Variants in AP3B1 observed in about 807,000 individuals in gnomAD.
AP3B1 encodes the protein adaptor related protein complex 3 subunit beta 1.
AP3B1 carries 61 observed loss-of-function variants against 132.5 expected under a neutral mutation model. That is an observed-to-expected ratio of 0.46 (90% CI 0.37 to 0.57). The LOEUF (loss-of-function observed/expected upper bound fraction) is 0.57. Among genes scored for constraint, AP3B1 ranks in the 20% least tolerant of loss-of-function variants. The pLI is 0.00. For synonymous variants in AP3B1, 388 were observed against 438.3 expected, an observed-to-expected ratio of 0.89 and a Z score of 1.43; for missense variants, 1,120 against 1,289.4, an observed-to-expected ratio of 0.87 and a Z score of 2.01.
chr5:78,099,742 AC>A (rs1241186270), intron 21 of AP3B1, among the ~76,000 whole-genome samples: 1 of 152,046 alleles, frequency 6.6e-6, no homozygotes, highest in African/African-American at 2.4e-5. Context: ...AAAAAAAAAT[AC>A]AAAAAATTAG....
chr5:78,259,383 G>A (rs568957985), intron 2 of AP3B1, among the ~76,000 whole-genome samples: 1 of 152,310 alleles, frequency 6.6e-6, no homozygotes, highest in African/African-American at 2.4e-5. Flanking sequence ...AGGGAAGTGG[G>A]GGATACAGGG....
At chr5:78,181,375 T>C (rs1744360558) in intron 8 of AP3B1, 132 bp downstream of exon 8, 1 of 823,526 alleles carries the variant, frequency 1.2e-6, no homozygotes, top group African/African-American at 1.7e-5. Context: ...CAACTATCCA[T>C]TACATGTCAT....
chr5:78,037,458 A>T (rs1747855998), intron 23 of AP3B1, among the ~76,000 whole-genome samples: 1 of 152,238 alleles, frequency 6.6e-6, no homozygotes. Flanking sequence ...TTAAAAATTA[A>T]GTGGATTTTG....
chr5:78,204,918 T>A (rs978301678), intron 7 of AP3B1, among the ~76,000 whole-genome samples: 1 of 152,170 alleles, frequency 6.6e-6, no homozygotes, highest in African/African-American at 2.4e-5. Context: ...AAAAAGCTGA[T>A]TGGACTGTTT....
chr5:78,015,238 C>T (rs756808594), intron 26 of AP3B1, among the ~76,000 whole-genome samples, 172 bp downstream of exon 26: 1 of 151,888 alleles, frequency 6.6e-6, no homozygotes, highest in African/African-American at 2.4e-5. Flanking sequence ...ATGGGAAAGA[C>T]AGCCTTAATG....
intron 17 of AP3B1, among the ~76,000 whole-genome samples, chr5:78,123,540 T>C (rs944222215): frequency 3.3e-5 from 5 of 152,152 alleles, no homozygotes; most frequent in African/African-American, 7.2e-5. Flanking sequence ...GGGCGAAGGA[T>C]GTGAACAGAC....
At chr5:78,044,393 T>C (rs1748231715) in intron 22 of AP3B1, among the ~76,000 whole-genome samples, 1 of 152,250 alleles carries the variant, frequency 6.6e-6, no homozygotes, top group Non-Finnish European at 1.5e-5. Flanking sequence ...ATGATAAGCA[T>C]ATTAGAGACA....
At chr5:78,177,721 C>T (rs1744207109) in intron 8 of AP3B1, among the ~76,000 whole-genome samples, 1 of 151,610 alleles carries the variant, frequency 6.6e-6, no homozygotes, top group East Asian at 1.9e-4. Flanking sequence ...TGAACGTGTC[C>T]TTATAAGAGA....
chr5:78,207,857 C>G (rs1462768701), intron 7 of AP3B1, among the ~76,000 whole-genome samples: 1 of 152,110 alleles, frequency 6.6e-6, no homozygotes, highest in Non-Finnish European at 1.5e-5. Context: ...AGTACCATAA[C>G]CAGCAAGATG....
intron 7 of AP3B1, among the ~76,000 whole-genome samples, chr5:78,203,449 GC>G (rs895609207): frequency 4.6e-5 from 7 of 151,974 alleles, no homozygotes; most frequent in African/African-American, 7.2e-5. Flanking sequence ...GGGGAAAACT[GC>G]CCCCCATGAT....
intron 20 of AP3B1, among the ~76,000 whole-genome samples, chr5:78,108,467 C>A (rs1167962762): frequency 6.6e-6 from 1 of 152,024 alleles, no homozygotes; most frequent in Non-Finnish European, 1.5e-5. Context: ...AGTTGCTAAA[C>A]TAAAGCAAAA....
intron 22 of AP3B1, among the ~76,000 whole-genome samples, chr5:78,048,753 T>C (rs1258265779): frequency 6.6e-6 from 1 of 152,244 alleles, no homozygotes; most frequent in Non-Finnish European, 1.5e-5. Context: ...CTGAAGTTGT[T>C]TTCTCTGAAC....
At chr5:78,284,609 C>T (rs913761541) in intron 1 of AP3B1, among the ~76,000 whole-genome samples, 1 of 152,046 alleles carries the variant, frequency 6.6e-6, no homozygotes, top group Non-Finnish European at 1.5e-5. Flanking sequence ...TATAGCTTTG[C>T]TCTAAAAACA....
chr5:78,206,906 G>A (rs1278628906), intron 7 of AP3B1, among the ~76,000 whole-genome samples: 1 of 152,130 alleles, frequency 6.6e-6, no homozygotes, highest in East Asian at 1.9e-4. Flanking sequence ...AGGATCACAT[G>A]AGCCCCAGAG....
chr5:78,223,909 G>C (rs751711277), intron 6 of AP3B1, among the ~76,000 whole-genome samples: 1 of 152,094 alleles, frequency 6.6e-6, no homozygotes, highest in African/African-American at 2.4e-5. Context: ...ATTATACAGA[G>C]AGAGTTCATT....
At chr5:78,280,196 T>C (rs573065520) in intron 1 of AP3B1, among the ~76,000 whole-genome samples, 1 of 152,206 alleles carries the variant, frequency 6.6e-6, no homozygotes, top group African/African-American at 2.4e-5. Flanking sequence ...GAAGAACTTT[T>C]CTTTTAAACT....
At chr5:78,240,323 G>A (rs1174871409) in intron 3 of AP3B1, among the ~76,000 whole-genome samples, 1 of 152,218 alleles carries the variant, frequency 6.6e-6, no homozygotes, top group Non-Finnish European at 1.5e-5. Flanking sequence ...AGAGGAGAAT[G>A]TAACCTTAAT....
At chr5:78,200,030 A>G (rs555592776) in intron 7 of AP3B1, among the ~76,000 whole-genome samples, 1 of 152,240 alleles carries the variant, frequency 6.6e-6, no homozygotes, top group African/African-American at 2.4e-5. Flanking sequence ...TAGAAGACAA[A>G]GCCAAAAGAG....
intron 2 of AP3B1, among the ~76,000 whole-genome samples, chr5:78,258,485 T>C (rs975971954): frequency 6.6e-6 from 1 of 152,082 alleles, no homozygotes; most frequent in Non-Finnish European, 1.5e-5. Context: ...CTATAATGAG[T>C]TATCATCTCA....
Sources: allele counts gnomAD v4.1 joint callset (sites outside exome capture counted in the v4.1 genomes callset), GRCh38; gene constraint gnomAD v4.1.1; transcripts MANE v1.5; gene names NCBI Gene and HGNC (gene_info 2026-07-23, HGNC 2026-07-21).